Variants in TMEM135 observed in about 807,000 individuals in gnomAD.
TMEM135 encodes transmembrane protein 135, also known as peroxisomal membrane protein 52.
Under a neutral mutation model 60.3 loss-of-function variants are expected in TMEM135, and 30 were observed. That is an observed-to-expected ratio of 0.50 (90% CI 0.37 to 0.68). TMEM135 has a LOEUF of 0.68. Among genes scored for constraint, TMEM135 ranks in the 30% least tolerant of loss-of-function variants. The probability of loss-of-function intolerance (pLI) is 0.00; values close to 1 mark genes in which losing one functional copy is unlikely to be tolerated. For missense variants in TMEM135, 468 were observed against 548.8 expected (o/e 0.85, Z 1.47); for synonymous variants, 190 against 186.7 (o/e 1.02, Z -0.14).
At chr11:87,225,485 C>T (rs1268463073) in intron 5 of TMEM135, among the ~76,000 whole-genome samples, 1 of 151,354 alleles carries the variant, frequency 6.6e-6, no homozygotes, top group East Asian at 1.9e-4. Flanking sequence ...TTTACAAGGA[C>T]AGACACATCT....
rs965385728 is a variant in TMEM135 at position 87,063,684 on chromosome 11, A to T, written c.142-4010A>T. On this transcript the variant is annotated intron_variant, in intron 1 of 14. Coordinates refer to ENST00000305494, the MANE Select transcript of TMEM135 (RefSeq NM_022918.4). ...CCTGGCTAACTAGACTACTGAGAGG[A>T]TCATTATTTTAGCCACTTGTAAACC... 4.9e-4 allele frequency among the ~76,000 whole-genome samples: 74 copies of T among 152,268 alleles called. 1 individual carries two copies. The highest frequency in any genetic ancestry group is 2.3e-3 in the Admixed American group (35 of 15,290).
At chr11:87,148,259 T>A (rs960627077) in intron 4 of TMEM135, among the ~76,000 whole-genome samples, 3 of 152,222 alleles carry the variant, frequency 2.0e-5, no homozygotes, top group Non-Finnish European at 4.4e-5. Context: ...TGTTAGTAGT[T>A]CTTTAGGTAC....
At chr11:87,160,502 G>A (rs1262681445) in intron 5 of TMEM135, among the ~76,000 whole-genome samples, 2 of 152,128 alleles carry the variant, frequency 1.3e-5, no homozygotes, top group Non-Finnish European at 2.9e-5. Flanking sequence ...AAATTGGAGA[G>A]CTAGGATTTG....
intron 4 of TMEM135, among the ~76,000 whole-genome samples, chr11:87,131,353 C>A (rs1194925307): frequency 3.8e-5 from 2 of 52,596 alleles, no homozygotes; most frequent in African/African-American, 1.3e-4. Flanking sequence ...TCCCTTGCAG[C>A]CACTTTTTAC....
At chr11:87,148,982 T>C (rs1362911314) in intron 4 of TMEM135, among the ~76,000 whole-genome samples, 1 of 152,116 alleles carries the variant, frequency 6.6e-6, no homozygotes, top group Non-Finnish European at 1.5e-5. Context: ...AACAGTTTGC[T>C]TTAAACGTTT....
chr11:87,296,086 T>C (rs1942343402), intron 7 of TMEM135, among the ~76,000 whole-genome samples: 1 of 152,146 alleles, frequency 6.6e-6, no homozygotes, highest in East Asian at 1.9e-4. Context: ...ATACAAGAAC[T>C]CACTTCAGGG....
At chr11:87,195,345 C>T (rs1394606350) in intron 5 of TMEM135, among the ~76,000 whole-genome samples, 2 of 113,522 alleles carry the variant, frequency 1.8e-5, no homozygotes, top group Admixed American at 8.9e-5. Flanking sequence ...TTCCTTCCTT[C>T]CTTCCTTCCT....
chr11:87,160,975 C>G (rs982588048), intron 5 of TMEM135, among the ~76,000 whole-genome samples: 5 of 152,268 alleles, frequency 3.3e-5, no homozygotes, highest in South Asian at 2.1e-4. Flanking sequence ...TCTAGGCTCA[C>G]TGCAACCTCT....
chr11:87,293,581 A>G (rs756483850), intron 6 of TMEM135, among the ~76,000 whole-genome samples: 3 of 151,138 alleles, frequency 2.0e-5, no homozygotes, highest in Non-Finnish European at 4.4e-5. Context: ...TCAATGTTCA[A>G]CTCCTACTTG....
intron 5 of TMEM135, among the ~76,000 whole-genome samples, chr11:87,173,906 G>A (rs1202311812): frequency 6.6e-6 from 1 of 152,100 alleles, no homozygotes; most frequent in East Asian, 1.9e-4. Flanking sequence ...CAGTATCTCA[G>A]TAATATACAA....
intron 4 of TMEM135, among the ~76,000 whole-genome samples, chr11:87,148,792 T>C (rs905027502): frequency 6.6e-6 from 1 of 152,154 alleles, no homozygotes; most frequent in African/African-American, 2.4e-5. Flanking sequence ...AATAAAAATT[T>C]CTGAGACTAG....
chr11:87,272,167 C>T (rs1941881095), intron 6 of TMEM135, among the ~76,000 whole-genome samples: 1 of 151,236 alleles, frequency 6.6e-6, no homozygotes, highest in South Asian at 2.1e-4. Flanking sequence ...AATTCCCCTC[C>T]CTCAGCCTCC....
intron 4 of TMEM135, among the ~76,000 whole-genome samples, chr11:87,149,586 C>A (rs1390618673): frequency 6.6e-6 from 1 of 152,154 alleles, no homozygotes; most frequent in African/African-American, 2.4e-5. Flanking sequence ...TAGCCATTTT[C>A]CTTCTTGTAT....
At chr11:87,187,283 A>C (rs1407219471) in intron 5 of TMEM135, among the ~76,000 whole-genome samples, 4 of 152,224 alleles carry the variant, frequency 2.6e-5, no homozygotes. Flanking sequence ...GCAATAAGTT[A>C]GAGGGGCCAG....
intron 4 of TMEM135, among the ~76,000 whole-genome samples, chr11:87,135,338 C>T (rs189447460): frequency 5.3e-4 from 81 of 152,088 alleles, no homozygotes; most frequent in Non-Finnish European, 1.2e-4. Context: ...GCTATATTTT[C>T]TTACTTCATA....
intron 3 of TMEM135, among the ~76,000 whole-genome samples, chr11:87,081,706 C>G (rs1346726694): frequency 7.0e-6 from 1 of 143,034 alleles, no homozygotes; most frequent in African/African-American, 2.6e-5. Context: ...TTTAAGCTTT[C>G]TGTTTTTCTT....
chr11:87,134,049 A>G (rs1014347265), intron 4 of TMEM135, among the ~76,000 whole-genome samples: 5 of 151,030 alleles, frequency 3.3e-5, no homozygotes, highest in South Asian at 2.1e-4. Context: ...TGCTGGTTAT[A>G]TTAGTTTTCT....
At chr11:87,240,390 T>C (rs910853990) in intron 6 of TMEM135, among the ~76,000 whole-genome samples, 26 of 151,992 alleles carry the variant, frequency 1.7e-4, no homozygotes, top group African/African-American at 5.8e-4. Flanking sequence ...AGAAGTCATA[T>C]TTAAAAACTT....
intron 5 of TMEM135, among the ~76,000 whole-genome samples, chr11:87,172,765 A>G (rs1457472139): frequency 6.6e-6 from 1 of 152,044 alleles, no homozygotes; most frequent in African/African-American, 2.4e-5. Flanking sequence ...TGTATGGATA[A>G]TTATAAATAT....
Sources: allele counts gnomAD v4.1 joint callset (sites outside exome capture counted in the v4.1 genomes callset), GRCh38; gene constraint gnomAD v4.1.1; transcripts MANE v1.5; gene names NCBI Gene and HGNC (gene_info 2026-07-23, HGNC 2026-07-21).